The following NEDD4 variants were observed in gnomAD, a reference collection of about 807,000 sequenced individuals.
NEDD4 encodes E3 ubiquitin-protein ligase NEDD4.
In NEDD4, 99 loss-of-function variants were observed where a neutral mutation model predicts 144.9. The ratio of observed to expected loss-of-function variants is 0.68; its 90% CI spans 0.58 to 0.81. NEDD4 has a LOEUF of 0.81. Among genes scored for constraint, NEDD4 ranks in the 30% least tolerant of loss-of-function variants. The pLI, the probability that NEDD4 is intolerant of heterozygous loss-of-function variation, is 0.00. For synonymous variants in NEDD4, 318 were observed against 350.6 expected, an observed-to-expected ratio of 0.91 and a Z score of 1.04; for missense variants, 985 against 1,065.9, an observed-to-expected ratio of 0.92 and a Z score of 1.06.
At chr15:55,915,848 T>C in intron 5 of NEDD4, 1 of 1,613,940 alleles carries the variant, frequency 6.2e-7, no homozygotes, top group East Asian at 2.2e-5. Context: ...TTGTTTTAGA[T>C]AACCGAAGTC....
intron 9 of NEDD4, among the ~76,000 whole-genome samples, chr15:55,861,358 C>T (rs2034398873): frequency 6.6e-6 from 1 of 151,660 alleles, no homozygotes; most frequent in Non-Finnish European, 1.5e-5. Context: ...ATGGGCCTGT[C>T]CTGAAAAAGG....
At chr15:55,918,965 T>A (rs2036519158) in intron 5 of NEDD4, among the ~76,000 whole-genome samples, 2 of 152,128 alleles carry the variant, frequency 1.3e-5, no homozygotes, top group Non-Finnish European at 2.9e-5. Flanking sequence ...ATCAATGAGA[T>A]CTAATTGTTC....
At chr15:55,976,126 A>G (rs914248479) in intron 1 of NEDD4, among the ~76,000 whole-genome samples, 4 of 152,354 alleles carry the variant, frequency 2.6e-5, no homozygotes, top group South Asian at 4.1e-4. Context: ...TACAAAAATC[A>G]AATCAAAACA....
intron 8 of NEDD4, among the ~76,000 whole-genome samples, chr15:55,863,534 C>T (rs1188335604): frequency 6.6e-6 from 1 of 152,138 alleles, no homozygotes; most frequent in Non-Finnish European, 1.5e-5. Context: ...ATCAAAACAT[C>T]ACATTGTCCT....
At chr15:55,850,884 T>C in intron 13 of NEDD4, 142 bp from the exon 14 acceptor site, 3 of 629,314 alleles carry the variant, frequency 4.8e-6, no homozygotes, top group Non-Finnish European at 7.6e-6. Flanking sequence ...CATTTTCAAA[T>C]GTAGTTATGG....
intron 2 of NEDD4, among the ~76,000 whole-genome samples, chr15:55,965,004 G>A (rs1365355928): frequency 1.3e-5 from 2 of 151,626 alleles, no homozygotes; most frequent in Admixed American, 1.3e-4. Context: ...TCCCCTTCCC[G>A]TTTCTGTCAT....
chr15:55,979,083 C>A (rs1490160225), intron 1 of NEDD4, among the ~76,000 whole-genome samples: 1 of 149,546 alleles, frequency 6.7e-6, no homozygotes, highest in Non-Finnish European at 1.5e-5. Context: ...ATATATATAC[C>A]CCATTTTTAC....
At chr15:55,973,790 G>A (rs1451384531) in intron 1 of NEDD4, among the ~76,000 whole-genome samples, 3 of 150,188 alleles carry the variant, frequency 2.0e-5, no homozygotes, top group Non-Finnish European at 3.0e-5. Context: ...TACTAAAAGA[G>A]AAGCTTATAG....
At position 55,828,580 on chromosome 15, in the gene NEDD4, C is replaced by G. The variant is rs1190385434; in HGVS notation, c.*1317G>C. ...ACACATTTGCAAGTTCCTTGAGGAT[C>G]AGGACTCAGCTTCTCTGAAGCTGAC... On this transcript the variant is annotated 3_prime_UTR_variant, in exon 29 of 29. Transcript: ENST00000435532. The G allele has an allele frequency of 6.6e-6, 1 of 152,546 alleles. No homozygotes were observed. The highest frequency in any genetic ancestry group is 1.9e-4 in the East Asian group (1 of 5,198). 9.4% of individuals were successfully genotyped at this position (152,546 alleles called of 1,614,324 possible).
intron 4 of NEDD4, among the ~76,000 whole-genome samples, chr15:55,933,580 A>T (rs1395440817): frequency 6.6e-6 from 1 of 151,292 alleles, no homozygotes; most frequent in Non-Finnish European, 1.5e-5. Flanking sequence ...GATGTACCTA[A>T]TGCAAATGAC....
At chr15:55,918,898 T>C (rs926661788) in intron 5 of NEDD4, among the ~76,000 whole-genome samples, 2 of 152,172 alleles carry the variant, frequency 1.3e-5, no homozygotes, top group African/African-American at 2.4e-5. Flanking sequence ...CAGCGTTCTT[T>C]CTGGGATTAA....
intron 4 of NEDD4, among the ~76,000 whole-genome samples, chr15:55,935,845 C>CA (rs35215537): frequency 0.22 from 17,060 of 78,102 alleles, 1,700 homozygotes; most frequent in Non-Finnish European, 0.27. Context: ...GACTCTGTTT[C>CA]AAAAAAAAAA....
chr15:55,977,933 C>T (rs575518740), intron 1 of NEDD4, among the ~76,000 whole-genome samples: 1 of 152,218 alleles, frequency 6.6e-6, no homozygotes, highest in South Asian at 2.1e-4. Flanking sequence ...TCTGTGATGA[C>T]TTAATTAACA....
At chr15:55,948,490 A>G (rs2037167685) in intron 4 of NEDD4, among the ~76,000 whole-genome samples, 1 of 152,192 alleles carries the variant, frequency 6.6e-6, no homozygotes, top group Non-Finnish European at 1.5e-5. Flanking sequence ...GAGCCCACAT[A>G]GCCAAGACAA....
chr15:55,868,056 CA>C (rs201455596), intron 8 of NEDD4, among the ~76,000 whole-genome samples: 41,622 of 109,044 alleles, frequency 0.38, 5,535 homozygotes, highest in South Asian at 0.48. Flanking sequence ...ACTCTGACTC[CA>C]AAAAAAAAAA....
intron 4 of NEDD4, among the ~76,000 whole-genome samples, chr15:55,946,350 T>TA: frequency 6.6e-6 from 1 of 152,116 alleles, no homozygotes; most frequent in Non-Finnish European, 1.5e-5. Flanking sequence ...AAGCAGGGGT[T>TA]ACAATCCTAG....
intron 19 of NEDD4, among the ~76,000 whole-genome samples, chr15:55,841,665 G>A (rs941682048): frequency 5.9e-5 from 9 of 151,878 alleles, no homozygotes; most frequent in African/African-American, 1.7e-4. Flanking sequence ...TCCGCCTTCC[G>A]GGTTCACGCC....
At chr15:55,927,315 A>G (rs552436278) in intron 4 of NEDD4, among the ~76,000 whole-genome samples, 26 of 151,918 alleles carry the variant, frequency 1.7e-4, no homozygotes, top group African/African-American at 6.0e-4. Flanking sequence ...AGACGACAAG[A>G]TTCTTTTTTT....
In NEDD4 at chr15:55,966,486, T is replaced by C; in HGVS notation, c.106A>G (p.Ile36Val). 1 of 1,529,972 alleles carries C rather than the reference T, an allele frequency of 6.5e-7. No homozygotes were observed. 94.8% of individuals were successfully genotyped at this position (1,529,972 alleles called of 1,614,324 possible). The change falls in exon 2 of 29, where the codon ATA becomes GTA. Residue 36 changes from isoleucine (I) to valine (V), a missense_variant. By Grantham distance (29) the Ile-to-Val change is conservative (BLOSUM62 3). Transcript: ENST00000435532. ...IAGIGLAKKD[I>V]LGASDPYVRV... Reference sequence around the variant, plus strand: ...AGATATACTTACCTAGCTCCCAATATATCCTTCTTGGCAAGGCCTATTCCG... The same window carrying C: ...AGATATACTTACCTAGCTCCCAATACATCCTTCTTGGCAAGGCCTATTCCG...
Sources: gnomAD v4.1 joint callset for allele counts (sites outside exome capture counted in the v4.1 genomes callset) on GRCh38, gnomAD v4.1.1 for gene constraint, MANE v1.5 for transcripts, NCBI Gene and HGNC (gene_info 2026-07-23, HGNC 2026-07-21) for gene names.